CSMD1: variants seen among roughly 807,000 people sequenced by gnomAD.
The protein encoded by CSMD1 is CUB and sushi domain-containing protein 1.
A neutral mutation model predicts 417.5 loss-of-function variants in CSMD1; 213 were observed. The observed-to-expected ratio is 0.51, with a 90% CI of 0.46 to 0.57. The LOEUF is 0.57. CSMD1 is among the 20% of genes least tolerant of loss of function. CSMD1 has a pLI of 0.00. For missense variants in CSMD1, 6,923 were observed against 4,529.7 expected (o/e 1.53, Z -15.17); for synonymous variants, 2,862 against 1,736.8 (o/e 1.65, Z -16.11).
intron 10 of CSMD1, among the ~76,000 whole-genome samples, chr8:3,501,528 A>C (rs929342903): frequency 6.6e-6 from 1 of 152,366 alleles, no homozygotes; most frequent in South Asian, 2.1e-4. Context: ...AAGATAATTT[A>C]TAAATGCTTT....
At chr8:4,794,276 C>T (rs910310757) in intron 1 of CSMD1, among the ~76,000 whole-genome samples, 8 of 152,082 alleles carry the variant, frequency 5.3e-5, no homozygotes, top group Admixed American at 3.3e-4. Flanking sequence ...ATATAAAAGG[C>T]CTACCATTTT....
At chr8:3,531,731 G>A (rs185083151) in intron 10 of CSMD1, among the ~76,000 whole-genome samples, 6 of 152,306 alleles carry the variant, frequency 3.9e-5, no homozygotes, top group Non-Finnish European at 7.4e-5. Flanking sequence ...AAAACCCCAA[G>A]AAATCACTTC....
intron 5 of CSMD1, among the ~76,000 whole-genome samples, chr8:3,783,094 C>T (rs2129063655): frequency 6.6e-6 from 1 of 152,266 alleles, no homozygotes; most frequent in South Asian, 2.1e-4. Context: ...CCCGTAACCC[C>T]CAGCCTCCAC....
chr8:4,711,057 CAAA>C (rs1808261698), intron 1 of CSMD1, among the ~76,000 whole-genome samples: 1 of 150,660 alleles, frequency 6.6e-6, no homozygotes, highest in Admixed American at 6.6e-5. Context: ...TAAAATTAGG[CAAA>C]ATCATGACAT....
rs1232798493 is a variant in CSMD1, at chr8:3,708,447, G to A, written c.976C>T (p.Pro326Ser). Residue 326 changes from proline to serine, a missense_variant, in exon 7 of 70, where the codon CCC becomes TCC. Transcript: ENST00000635120. ...ELKSRGVKML[P>S]SKDGSHKNSV... Reference sequence around the variant, plus strand: ...TTTTTATGGCTTCCATCCTTGCTGGGCAGCATCTTGACTCCTCTTGACTTC... The same window carrying A: ...TTTTTATGGCTTCCATCCTTGCTGGACAGCATCTTGACTCCTCTTGACTTC... 1 of 1,613,908 alleles carries A rather than the reference G, an allele frequency of 6.2e-7. No homozygotes were observed. The highest frequency in any genetic ancestry group is 8.5e-7 in the Non-Finnish European group (1 of 1,179,860).
chr8:4,174,692 G>C (rs1005076756), intron 3 of CSMD1, among the ~76,000 whole-genome samples: 7 of 132,194 alleles, frequency 5.3e-5, no homozygotes, highest in Non-Finnish European at 1.1e-4. Flanking sequence ...AAGAAAAAAG[G>C]TGTCTAGAAC....
At chr8:4,134,396 A>G (rs527728287) in intron 3 of CSMD1, among the ~76,000 whole-genome samples, 1 of 152,354 alleles carries the variant, frequency 6.6e-6, no homozygotes, top group South Asian at 2.1e-4. Flanking sequence ...AGAAAGGCAC[A>G]AAGGGATGAC....
intron 6 of CSMD1, among the ~76,000 whole-genome samples, chr8:3,730,866 G>C (rs542727535): frequency 2.6e-5 from 4 of 152,180 alleles, no homozygotes; most frequent in African/African-American, 7.2e-5. Context: ...GAGGTGATAA[G>C]AGAGAGTGCT....
At chr8:4,465,459 A>T (rs1044586065) in intron 2 of CSMD1, among the ~76,000 whole-genome samples, 78 of 152,282 alleles carry the variant, frequency 5.1e-4, no homozygotes, top group African/African-American at 1.8e-3. Context: ...TTGCCATATT[A>T]TTTTAAAATA....
At position 3,776,539 on chromosome 8, in the gene CSMD1, T is replaced by C. The variant is rs117517108; in HGVS notation, c.819-22497A>G. Among the ~76,000 whole-genome samples the C allele has an allele frequency of 2.6e-3, 396 of 152,292 alleles. 1 individual carries two copies. The highest frequency in any genetic ancestry group is 4.5e-3 in the Non-Finnish European group (303 of 68,032). On this transcript the variant is annotated intron_variant, in intron 5 of 69. Coordinates refer to ENST00000635120, the MANE Select transcript of CSMD1 (RefSeq NM_033225.6). Reference sequence around the variant, plus strand: ...GGGCCTTGGAACTTGCTGTGCCCTCTGCATAGAATGCCAGATATTCTCAAA... The same window carrying C: ...GGGCCTTGGAACTTGCTGTGCCCTCCGCATAGAATGCCAGATATTCTCAAA...
chr8:3,426,369 T>A (rs1276827865), intron 12 of CSMD1, among the ~76,000 whole-genome samples: 1 of 152,228 alleles, frequency 6.6e-6, no homozygotes, highest in Non-Finnish European at 1.5e-5. Context: ...TCATAGATAC[T>A]TGGAACTCCC....
At chr8:4,971,921 A>G (rs1810262996) in intron 1 of CSMD1, among the ~76,000 whole-genome samples, 1 of 152,130 alleles carries the variant, frequency 6.6e-6, no homozygotes, top group African/African-American at 2.4e-5. Flanking sequence ...CATTTTCTAT[A>G]AAATAAACTC....
At chr8:4,364,824 CAAA>C (rs60925117) in intron 3 of CSMD1, among the ~76,000 whole-genome samples, 2 of 84,918 alleles carry the variant, frequency 2.4e-5, no homozygotes, top group East Asian at 3.2e-4. Flanking sequence ...GACTCCTTCT[CAAA>C]AAAAAAAAAA....
intron 7 of CSMD1, among the ~76,000 whole-genome samples, chr8:3,675,977 C>T (rs1400476570): frequency 3.3e-5 from 5 of 152,152 alleles, no homozygotes; most frequent in Non-Finnish European, 7.4e-5. Context: ...GCCATCTTCC[C>T]AGTCAGAGAC....
At chr8:3,363,673 G>A (rs962863236) in intron 20 of CSMD1, among the ~76,000 whole-genome samples, 8 of 152,210 alleles carry the variant, frequency 5.3e-5, no homozygotes, top group East Asian at 3.9e-4. Flanking sequence ...GACCACAGGC[G>A]CCTGCCACCA....
At chr8:3,554,854 C>A (rs1799074425) in intron 10 of CSMD1, among the ~76,000 whole-genome samples, 1 of 152,068 alleles carries the variant, frequency 6.6e-6, no homozygotes, top group South Asian at 2.1e-4. Context: ...TGTGAACAGC[C>A]AGCAGGCAGG....
chr8:4,447,317 G>C (rs551208289), intron 2 of CSMD1, among the ~76,000 whole-genome samples: 1 of 152,120 alleles, frequency 6.6e-6, no homozygotes, highest in African/African-American at 2.4e-5. Flanking sequence ...TTATTACAAT[G>C]AATTATCAGA....
chr8:3,766,789 TC>T (rs1798294830), intron 5 of CSMD1, among the ~76,000 whole-genome samples: 1 of 152,170 alleles, frequency 6.6e-6, no homozygotes, highest in African/African-American at 2.4e-5. Context: ...TTCTCCTTAA[TC>T]TTGGGATAAG....
At chr8:4,393,086 G>A (rs567629974) in intron 3 of CSMD1, among the ~76,000 whole-genome samples, 1 of 152,186 alleles carries the variant, frequency 6.6e-6, no homozygotes, top group African/African-American at 2.4e-5. Context: ...AGCGATTCTC[G>A]TGCCTCAATC....
Sources: gnomAD v4.1 joint callset for allele counts (sites outside exome capture counted in the v4.1 genomes callset) on GRCh38, gnomAD v4.1.1 for gene constraint, MANE v1.5 for transcripts, NCBI Gene and HGNC (gene_info 2026-07-23, HGNC 2026-07-21) for gene names.